The following CXXC5 variants were observed in gnomAD, a reference collection of about 807,000 sequenced individuals.
The protein encoded by CXXC5 is CXXC finger protein 5.
CXXC5 carries 2 observed loss-of-function variants against 17.6 expected under a neutral mutation model. The ratio of observed to expected loss-of-function variants is 0.11; its 90% CI spans 0.05 to 0.36. The LOEUF (loss-of-function observed/expected upper bound fraction) is 0.36, where lower values mean the gene tolerates loss of function less well. CXXC5 is among the 10% of genes least tolerant of loss of function. The probability of loss-of-function intolerance (pLI) is 1.00; values close to 1 mark genes in which losing one functional copy is unlikely to be tolerated. For synonymous variants in CXXC5, 171 were observed against 193.0 expected (o/e 0.89, Z 0.94); for missense variants, 343 against 458.3 (o/e 0.75, Z 2.30).
intron 1 of CXXC5, chr5:139,675,369 G>A (rs1409448341): frequency 6.6e-6 from 1 of 152,166 alleles, no homozygotes; most frequent in African/African-American, 2.4e-5. Flanking sequence ...CTAGGGCTGA[G>A]GGTTGAATAA....
chr5:139,668,877 G>A lies in CXXC5; in HGVS notation c.-160-11487G>A, dbSNP rs1038906865. Among the ~76,000 whole-genome samples the A allele has an allele frequency of 7.9e-5, 12 of 152,170 alleles. No individual in the cohort carries two copies. The highest frequency in any genetic ancestry group is 1.5e-5 in the Non-Finnish European group (1 of 68,030). On this transcript the variant is annotated intron_variant, in intron 1 of 2. Transcript: ENST00000302517. The surrounding 1 kb of genome is among the most constrained non-coding windows in gnomAD (Gnocchi z 4.1). ...GACCTTATGTAGAGTCCTTAGCCTC[G>A]GTTTCCCCGTTTGTAAACCATCAGC... is the stretch of plus-strand genomic sequence containing the variant.
chr5:139,651,290 C>T (rs958172686), intron 1 of CXXC5: 7 of 152,262 alleles, frequency 4.6e-5, no homozygotes, highest in African/African-American at 1.7e-4. Context: ...GGCCTCCTAT[C>T]TCTCCCGCGA....
At chr5:139,659,292 G>T (rs1364489173) in intron 1 of CXXC5, among the ~76,000 whole-genome samples, 1 of 152,174 alleles carries the variant, frequency 6.6e-6, no homozygotes, top group African/African-American at 2.4e-5. Flanking sequence ...GTGAGGCGCG[G>T]TGTCCAGCGG....
chr5:139,650,632 G>T (rs1328883324), intron 1 of CXXC5, among the ~76,000 whole-genome samples: 1 of 152,216 alleles, frequency 6.6e-6, no homozygotes, highest in Non-Finnish European at 1.5e-5. Flanking sequence ...GGGGTGGGGG[G>T]CGTCTGTCCT....
At chr5:139,664,379 G>T (rs1053027582) in intron 1 of CXXC5, among the ~76,000 whole-genome samples, 2 of 152,128 alleles carry the variant, frequency 1.3e-5, no homozygotes, top group Non-Finnish European at 2.9e-5. Flanking sequence ...TGGGCACCCT[G>T]CAGGGAGGAG....
Position 139,668,665 on chromosome 5 carries a change from G to A in CXXC5, c.-160-11699G>A, listed in dbSNP as rs1756270082. On this transcript the variant is annotated intron_variant, in intron 1 of 2. Transcript: ENST00000302517. The surrounding 1 kb of genome is among the most constrained non-coding windows in gnomAD (Gnocchi z 4.1). The stretch of plus-strand genomic sequence containing the variant: ...CCATCGTGGCGTGCAGGTCTGAGTA[G>A]GCTCTGGGCCATGCCGGGGTACCTG... Among the ~76,000 whole-genome samples, 1 of 152,174 alleles carries A rather than the reference G, an allele frequency of 6.6e-6. No homozygotes were observed. Among genetic ancestry groups the A allele is most frequent in the Non-Finnish European group, 1.5e-5 (1 of 68,030 alleles).
chr5:139,663,431 G>A lies in CXXC5; in HGVS notation c.-161+14586G>A, dbSNP rs577008800. 2.9e-4 allele frequency among the ~76,000 whole-genome samples: 44 copies of A among 152,256 alleles called. 1 individual carries two copies. Among genetic ancestry groups the A allele is most frequent in the African/African-American group, 9.9e-4 (41 of 41,532 alleles). ...GACATGAGCTGGCAGGGCTGAGGGC[G>A]AGGGAGGTAGGAGGAAAGGCTGTCT... On this transcript the variant is annotated intron_variant, in intron 1 of 2. Transcript: ENST00000302517. The surrounding 1 kb of genome is among the most constrained non-coding windows in gnomAD (Gnocchi z 4.2).
intron 1 of CXXC5, among the ~76,000 whole-genome samples, chr5:139,677,907 C>G (rs955306946): frequency 1.3e-5 from 2 of 152,240 alleles, no homozygotes; most frequent in Non-Finnish European, 2.9e-5. Context: ...CTGCCCGCCC[C>G]GCACGCAGAG....
At chr5:139,669,497 C>G (rs970464106) in intron 1 of CXXC5, among the ~76,000 whole-genome samples, 1 of 152,050 alleles carries the variant, frequency 6.6e-6, no homozygotes, top group Non-Finnish European at 1.5e-5. Flanking sequence ...TTGTGGCTCT[C>G]TTTGTCTCCC....
intron 1 of CXXC5, among the ~76,000 whole-genome samples, chr5:139,656,308 G>T (rs1688725163): frequency 6.6e-6 from 1 of 152,224 alleles, no homozygotes. Flanking sequence ...AGTCCCCTTG[G>T]CTCTGCTGTG....
chr5:139,654,058 G>C (rs761320833), intron 1 of CXXC5, among the ~76,000 whole-genome samples: 8 of 152,244 alleles, frequency 5.3e-5, no homozygotes, highest in Non-Finnish European at 8.8e-5. Context: ...GGGGCTCTGG[G>C]TAGACCAAGC....
intron 1 of CXXC5, among the ~76,000 whole-genome samples, chr5:139,659,895 A>G (rs1755693047): frequency 1.3e-5 from 2 of 152,148 alleles, no homozygotes; most frequent in African/African-American, 4.8e-5. Flanking sequence ...TGTGTCTGCA[A>G]AGCCCCCCGG....
At chr5:139,656,293 G>GCCACAGTC (rs1755494616) in intron 1 of CXXC5, among the ~76,000 whole-genome samples, 1 of 152,222 alleles carries the variant, frequency 6.6e-6, no homozygotes, top group Non-Finnish European at 1.5e-5. Context: ...CCCTGCTCTT[G>GCCACAGTC]CCACAGTCCC....
chr5:139,673,531 G>A (rs1164525732), intron 1 of CXXC5, among the ~76,000 whole-genome samples: 1 of 152,078 alleles, frequency 6.6e-6, no homozygotes, highest in Non-Finnish European at 1.5e-5. Flanking sequence ...CAGCTGTTTT[G>A]GGGAGCACCG....
intron 1 of CXXC5, among the ~76,000 whole-genome samples, chr5:139,665,998 C>T (rs1449146669): frequency 6.6e-6 from 1 of 152,218 alleles, no homozygotes; most frequent in African/African-American, 2.4e-5. Flanking sequence ...TAGACCAGTT[C>T]TTCCAAACCC....
At chr5:139,666,035 TATTCTCAAAGGC>T (rs1756092567) in intron 1 of CXXC5, among the ~76,000 whole-genome samples, 1 of 152,164 alleles carries the variant, frequency 6.6e-6, no homozygotes, top group Non-Finnish European at 1.5e-5. Flanking sequence ...CCTCTAAACC[TATTCTCAAAGGC>T]TTTTTCAAAG....
chr5:139,681,577 G>T, intron 2 of CXXC5, 130 bp downstream of exon 2: 1 of 1,170,826 alleles, frequency 8.5e-7, no homozygotes, highest in East Asian at 2.5e-5. Flanking sequence ...CAGTCCTTGG[G>T]GCCTGGGGGT....
chr5:139,680,862 C>G lies in CXXC5; in HGVS notation c.339C>G (p.Ser113=). The G allele has an allele frequency of 6.2e-7, 1 of 1,609,772 alleles. No individual in the cohort carries two copies. The highest frequency in any genetic ancestry group is 8.5e-7 in the Non-Finnish European group (1 of 1,180,002). ...CCACTGCGGCTGCAGCCGCTGCCTC[C>G]CTGTTGGCCAATGGGCATGACCTGG... ...DKATAAAAAA[S]LLANGHDLAA... The change falls in exon 2 of 3, where the codon TCC becomes TCG. Residue 113 remains serine, a synonymous_variant. Coordinates refer to ENST00000302517, the MANE Select transcript of CXXC5 (RefSeq NM_016463.9).
chr5:139,647,987 TAGC>T (rs1486152491), upstream of CXXC5: 21 of 151,352 alleles, frequency 1.4e-4, no homozygotes, highest in Non-Finnish European at 3.1e-4. Flanking sequence ...GGCAGAAAGA[TAGC>T]AGATTTCCCC....
Sources: gnomAD v4.1 joint callset for allele counts (sites outside exome capture counted in the v4.1 genomes callset) on GRCh38, gnomAD v4.1.1 for gene constraint, Gnocchi (gnomAD v3.1) non-coding constraint, MANE v1.5 for transcripts, NCBI Gene and HGNC (gene_info 2026-07-23, HGNC 2026-07-21) for gene names.